Variants in INHA observed in about 807,000 individuals in gnomAD.
The protein encoded by INHA is inhibin subunit alpha.
In INHA, 8 loss-of-function variants were observed where a neutral mutation model predicts 21.3. The observed-to-expected ratio is 0.38, with a 90% CI of 0.22 to 0.68. The LOEUF (loss-of-function observed/expected upper bound fraction) is 0.68, where lower values mean the gene tolerates loss of function less well. Among genes scored for constraint, INHA ranks in the 30% least tolerant of loss-of-function variants. The pLI is 0.53. For missense variants in INHA, 436 were observed against 465.8 expected (o/e 0.94, Z 0.59); for synonymous variants, 231 against 207.5 (o/e 1.11, Z -0.97).
Position 219,572,542 on chromosome 2 carries a change from G to A in INHA, c.168G>A (p.Arg56=). The A allele has an allele frequency of 6.3e-7, 1 of 1,584,658 alleles. No individual in the cohort carries two copies. Among genetic ancestry groups the A allele is most frequent in the Non-Finnish European group, 8.6e-7 (1 of 1,164,830 alleles). The change falls in exon 1 of 2, where the codon AGG becomes AGA. Residue 56 remains arginine (R), a synonymous_variant. Coordinates refer to ENST00000243786, the MANE Select transcript of INHA (RefSeq NM_002191.4). The part of the protein sequence containing the change: ...VTREGGDPGV[R]RLPRRHALGG... Reference sequence around the variant, plus strand: ...GGGAAGGTGGGGACCCTGGAGTCAGGCGGCTGCCCCGAAGACATGCCCTGG... The same window carrying A: ...GGGAAGGTGGGGACCCTGGAGTCAGACGGCTGCCCCGAAGACATGCCCTGG...
At chr2:219,574,110 C>T (rs1349056645) in intron 1 of INHA, among the ~76,000 whole-genome samples, 1 of 151,986 alleles carries the variant, frequency 6.6e-6, no homozygotes, top group Admixed American at 6.5e-5. Flanking sequence ...GAGACCCTGT[C>T]TCTACAAAAC....
Position 219,572,428 on chromosome 2 carries a change from C to T in INHA, c.54C>T (p.Ser18=). The change falls in exon 1 of 2, where the codon AGC becomes AGT. Residue 18 remains serine (S), a synonymous_variant. Transcript: ENST00000243786. ...TGCTGACCCCACAGGGTGGGCACAG[C>T]TGCCAGGGGCTGGAGCTGGCCCGGG... The part of the protein sequence containing the change: ...FLLLTPQGGH[S]CQGLELAREL... 6.2e-7 allele frequency: 1 copy of T among 1,614,056 alleles called. No individual in the cohort carries two copies. Among genetic ancestry groups the T allele is most frequent in the Non-Finnish European group, 8.5e-7 (1 of 1,180,020 alleles).
chr2:219,574,981 C>G lies in INHA; in HGVS notation c.556C>G (p.Leu186Val), dbSNP rs974188140. Residue 186 changes from leucine to valine, a missense_variant, in exon 2 of 2, where the codon CTC (leucine) becomes GTC (valine). Physicochemically the swap from Leu to Val is conservative, Grantham distance 32. Coordinates refer to ENST00000243786, the MANE Select transcript of INHA (RefSeq NM_002191.4). ...WAVLHLATSA[L>V]SLLTHPVLVL... is the part of the protein sequence containing the mutation. ...CGTGCTGCACCTGGCCACCTCTGCTCTCTCTCTGCTGACCCACCCCGTCCT... is the reference window on the plus strand; with the variant it reads ...CGTGCTGCACCTGGCCACCTCTGCTGTCTCTCTGCTGACCCACCCCGTCCT... 24 of 1,613,674 alleles carry G rather than the reference C, an allele frequency of 1.5e-5. No individual in the cohort carries two copies. The highest frequency in any genetic ancestry group is 1.6e-4 in the Middle Eastern group (1 of 6,062).
chr2:219,574,234 A>G (rs1212644136), intron 1 of INHA, among the ~76,000 whole-genome samples: 3 of 146,816 alleles, frequency 2.0e-5, no homozygotes, highest in Non-Finnish European at 4.5e-5. Flanking sequence ...AGCCGTGATC[A>G]TGCCACTGCA....
rs1259750107 is a variant in INHA at position 219,574,955 on chromosome 2, C to A, written c.530C>A (p.Ala177Asp). The change falls in exon 2 of 2, where the codon GCC (alanine) becomes GAC (aspartate). Residue 177 changes from alanine to aspartate, a missense_variant. Physicochemically the swap from Ala to Asp is moderately radical, Grantham distance 126. Transcript: ENST00000243786. Reference protein sequence around the residue: ...MSLGHAPPHWAVLHLATSALS... With the variant: ...MSLGHAPPHWDVLHLATSALS... The stretch of plus-strand genomic sequence containing the variant: ...TTGGGCCATGCTCCCCCTCACTGGG[C>A]CGTGCTGCACCTGGCCACCTCTGCT... 3.1e-6 allele frequency: 5 copies of A among 1,614,066 alleles called. 1 individual carries two copies. The South Asian group carries it at 4.4e-5, about 14-fold the overall frequency.
intron 1 of INHA, 119 bp downstream of exon 1, chr2:219,572,761 C>T: frequency 8.8e-7 from 1 of 1,141,134 alleles, no homozygotes; most frequent in Non-Finnish European, 1.3e-6. Flanking sequence ...TGCTTTGCAG[C>T]AATAGGCCAG....
intron 1 of INHA, among the ~76,000 whole-genome samples, chr2:219,572,989 A>G (rs1697450668): frequency 6.6e-6 from 1 of 152,238 alleles, no homozygotes. Context: ...TCGCTGCTCC[A>G]AACCCTGTTT....
In INHA at chr2:219,572,527, G is replaced by T. The variant is rs1312993221; in HGVS notation, c.153G>T (p.Gly51=). The change falls in exon 1 of 2, where the codon GGG becomes GGT. Residue 51 remains glycine (G), a synonymous_variant. Coordinates refer to ENST00000243786, the MANE Select transcript of INHA (RefSeq NM_002191.4). ...LGPPAVTREG[G]DPGVRRLPRR... ...CCCCCGCGGTGACCAGGGAAGGTGG[G>T]GACCCTGGAGTCAGGCGGCTGCCCC... The T allele has an allele frequency of 1.3e-6, 2 of 1,599,724 alleles. No individual in the cohort carries two copies. Among genetic ancestry groups the T allele is most frequent in the Non-Finnish European group, 1.7e-6 (2 of 1,172,792 alleles).
rs1291623603 is a variant in INHA, at chr2:219,575,093, C to A, written c.668C>A (p.Pro223Gln). 3 of 1,613,964 alleles carry A rather than the reference C, an allele frequency of 1.9e-6. No individual in the cohort carries two copies. The highest frequency in any genetic ancestry group is 1.7e-6 in the Non-Finnish European group (2 of 1,180,048). The change falls in exon 2 of 2, where the codon CCA becomes CAA. Residue 223 changes from proline to glutamine, a missense_variant. By Grantham distance (76) the Pro-to-Gln change is moderately conservative. Transcript: ENST00000243786. ...PFLVAHTRTR[P>Q]PSGGERARRS... ...CTGGTGGCCCACACTCGGACCAGAC[C>A]ACCCAGTGGAGGGGAGAGAGCCCGA... is the stretch of plus-strand genomic sequence containing the variant.
intron 1 of INHA, among the ~76,000 whole-genome samples, chr2:219,573,302 G>A (rs868135328): frequency 9.2e-5 from 14 of 152,190 alleles, no homozygotes; most frequent in Non-Finnish European, 1.3e-4. Context: ...GTCGTTGAAC[G>A]TCATTTCACC....
intron 1 of INHA, among the ~76,000 whole-genome samples, chr2:219,572,889 G>T (rs1213777066): frequency 6.6e-6 from 1 of 152,260 alleles, no homozygotes; most frequent in East Asian, 1.9e-4. Context: ...CATTTGGGAA[G>T]TATGCGCTGG....
At position 219,575,358 on chromosome 2, in the gene INHA, C is replaced by G; in HGVS notation, c.933C>G (p.Pro311=). The change falls in exon 2 of 2, where the codon CCC becomes CCG. Residue 311 remains proline, a synonymous_variant. Transcript: ENST00000243786. ...PNLSLPVPGA[P]PTPAQPYSLL... ...TGTCCCTTCCAGTCCCTGGGGCTCC[C>G]CCTACCCCAGCCCAGCCCTACTCCT... 1 of 1,614,190 alleles carries G rather than the reference C, an allele frequency of 6.2e-7. No individual in the cohort carries two copies. Among genetic ancestry groups the G allele is most frequent in the Non-Finnish European group, 8.5e-7 (1 of 1,180,012 alleles).
At chr2:219,572,744 A>C in intron 1 of INHA, 102 bp downstream of exon 1, 1 of 1,331,326 alleles carries the variant, frequency 7.5e-7, no homozygotes, top group Non-Finnish European at 1.0e-6. Context: ...TAGTCCTGCT[A>C]CTCAGTTGCT....
chr2:219,573,823 A>T (rs921951289), intron 1 of INHA, among the ~76,000 whole-genome samples: 1 of 151,992 alleles, frequency 6.6e-6, no homozygotes, highest in African/African-American at 2.4e-5. Context: ...AATACAAAAA[A>T]TTAGCCAGGC....
rs761632829 is a variant in INHA, at chr2:219,575,048, G to A, written c.623G>A (p.Arg208Gln). 1.5e-5 allele frequency: 24 copies of A among 1,613,428 alleles called. No individual in the cohort carries two copies. The highest frequency in any genetic ancestry group is 1.9e-5 in the Non-Finnish European group (23 of 1,180,020). The change falls in exon 2 of 2, where the codon CGG (arginine) becomes CAG (glutamine). Residue 208 changes from arginine to glutamine, a missense_variant. Arg to Gln is a conservative substitution (Grantham distance 43). Transcript: ENST00000243786. ...LRCPLCTCSARPEATPFLVAH... is the reference protein window; with the variant it reads ...LRCPLCTCSAQPEATPFLVAH... ...TGTCCCCTCTGTACCTGCTCAGCCC[G>A]GCCTGAGGCCACGCCCTTCCTGGTG...
At chr2:219,574,620 C>T in intron 1 of INHA, 74 bp from the exon 2 acceptor site, 2 of 1,282,252 alleles carry the variant, frequency 1.6e-6, no homozygotes, top group Non-Finnish European at 1.1e-6. Context: ...GGCCACATCC[C>T]TCCTGCTGAA....
chr2:219,574,033 C>T (rs953469920), intron 1 of INHA, among the ~76,000 whole-genome samples: 2 of 149,370 alleles, frequency 1.3e-5, no homozygotes, highest in Non-Finnish European at 3.0e-5. Flanking sequence ...AATCCCAGCA[C>T]TTTGGAAGGT....
Position 219,572,336 on chromosome 2 carries a change from G to A in INHA, c.-39G>A, listed in dbSNP as rs1004353002. The A allele has an allele frequency of 6.2e-7, 1 of 1,613,136 alleles. No homozygotes were observed. The highest frequency in any genetic ancestry group is 2.2e-5 in the East Asian group (1 of 44,886). On this transcript the variant is annotated 5_prime_UTR_variant, in exon 1 of 2. Coordinates refer to ENST00000243786, the MANE Select transcript of INHA (RefSeq NM_002191.4). ...CAGACCCTGGCAGAAGGGGCACGGG[G>A]CAGGGTGTGAGTTCCCCACTAGCAG...
intron 1 of INHA, 81 bp downstream of exon 1, chr2:219,572,723 G>T (rs1014506279): frequency 2.0e-6 from 3 of 1,481,676 alleles, no homozygotes; most frequent in African/African-American, 1.4e-5. Context: ...GGCGGACCTG[G>T]GTTTGAATCC....
Sources: allele counts gnomAD v4.1 joint callset (sites outside exome capture counted in the v4.1 genomes callset), GRCh38; gene constraint gnomAD v4.1.1; transcripts MANE v1.5; gene names NCBI Gene and HGNC (gene_info 2026-07-23, HGNC 2026-07-21).